The following GGNBP2 variants were observed in gnomAD, a reference collection of about 807,000 sequenced individuals.
The protein encoded by GGNBP2 is gametogenetin-binding protein 2.
In GGNBP2, 10 loss-of-function variants were observed where a neutral mutation model predicts 85.9. That is an observed-to-expected ratio of 0.12 (90% CI 0.07 to 0.20). The LOEUF (loss-of-function observed/expected upper bound fraction) is 0.20, where lower values mean the gene tolerates loss of function less well. GGNBP2 is among the 10% of genes least tolerant of loss of function. GGNBP2 has a pLI of 1.00. For missense variants in GGNBP2, 595 were observed against 857.8 expected (o/e 0.69, Z 3.83); for synonymous variants, 287 against 285.7 (o/e 1.00, Z -0.05).
At chr17:36,576,059 C>T (rs976638865) in intron 6 of GGNBP2, among the ~76,000 whole-genome samples, 6 of 146,688 alleles carry the variant, frequency 4.1e-5, no homozygotes, top group African/African-American at 7.5e-5. Flanking sequence ...AAGTCTAGGC[C>T]GGGCGTGGTG....
chr17:36,562,709 G>A (rs2074429627), intron 5 of GGNBP2, among the ~76,000 whole-genome samples: 1 of 151,062 alleles, frequency 6.6e-6, no homozygotes. Context: ...GCTCATGCCT[G>A]TAATCCCAGC....
intron 9 of GGNBP2, among the ~76,000 whole-genome samples, chr17:36,583,265 G>A (rs916421496): frequency 1.4e-4 from 22 of 151,838 alleles, no homozygotes; most frequent in Admixed American, 1.3e-3. Flanking sequence ...TGTTGGCCAG[G>A]ATGGCCTCGA....
chr17:36,582,998 TTATAC>T (rs1167990938), intron 9 of GGNBP2, among the ~76,000 whole-genome samples: 1 of 151,614 alleles, frequency 6.6e-6, no homozygotes, highest in Non-Finnish European at 1.5e-5. Flanking sequence ...AAGAATGGTA[TTATAC>T]TATATATATT....
intron 8 of GGNBP2, among the ~76,000 whole-genome samples, chr17:36,580,660 C>T (rs1178028333): frequency 6.6e-6 from 1 of 151,994 alleles, no homozygotes; most frequent in Non-Finnish European, 1.5e-5. Context: ...TGTCTCATGC[C>T]TGTAATCCCA....
At chr17:36,570,586 A>G (rs559108143) in intron 6 of GGNBP2, among the ~76,000 whole-genome samples, 48 of 152,092 alleles carry the variant, frequency 3.2e-4, no homozygotes, top group African/African-American at 1.1e-3. Flanking sequence ...TATAATCCCA[A>G]CTACTCAGGA....
chr17:36,574,525 A>G, intron 6 of GGNBP2: 1 of 378,232 alleles, frequency 2.6e-6, no homozygotes, highest in Non-Finnish European at 4.7e-6. Context: ...TCTTGACGAG[A>G]TGGTCAGTGA....
rs1195389811 is a variant in GGNBP2, at chr17:36,575,644, A to ATTTTT, written c.642-2338_642-2337insTTTTT. Among the ~76,000 whole-genome samples the ATTTTT allele has an allele frequency of 7.4e-4, 39 of 52,486 alleles. 1 individual carries two copies. Among genetic ancestry groups the ATTTTT allele is most frequent in the African/African-American group, 2.9e-3 (35 of 12,134 alleles). The allele number at this position is 52,486 out of a possible 152,430, so 34.4% of individuals were successfully genotyped here. On this transcript the variant is annotated intron_variant, in intron 6 of 13. Coordinates refer to ENST00000613102, the MANE Select transcript of GGNBP2 (RefSeq NM_024835.5). Reference sequence around the variant, plus strand: ...TATATATATATATATATATATATATATATATTTTTTTTTTTTTTTGAGATG... The same window carrying ATTTTT: ...TATATATATATATATATATATATATATTTTTTATATTTTTTTTTTTTTTTGAGATG...
At chr17:36,578,335 T>A in intron 7 of GGNBP2, 149 bp downstream of exon 7, 1 of 592,272 alleles carries the variant, frequency 1.7e-6, no homozygotes, top group Non-Finnish European at 2.9e-6. Flanking sequence ...CTCTTTAAAG[T>A]ATGCATTTCT....
chr17:36,552,557 A>T (rs879586804), intron 2 of GGNBP2, among the ~76,000 whole-genome samples: 2 of 152,228 alleles, frequency 1.3e-5, no homozygotes, highest in Admixed American at 6.5e-5. Context: ...TCTAATACAC[A>T]TGAAGTGTCT....
chr17:36,573,420 T>TC (rs1430641958), intron 6 of GGNBP2, among the ~76,000 whole-genome samples: 1 of 152,190 alleles, frequency 6.6e-6, no homozygotes, highest in Non-Finnish European at 1.5e-5. Context: ...CTTTGTCCAT[T>TC]CATACATTGA....
intron 3 of GGNBP2, 141 bp from the exon 4 acceptor site, chr17:36,556,942 C>G: frequency 3.3e-6 from 3 of 902,050 alleles, no homozygotes; most frequent in Non-Finnish European, 5.2e-6. Flanking sequence ...ACTACTTTGC[C>G]TTTCTGACTC....
intron 8 of GGNBP2, among the ~76,000 whole-genome samples, chr17:36,581,137 T>C (rs182223939): frequency 2.9e-4 from 44 of 151,772 alleles, no homozygotes; most frequent in African/African-American, 9.9e-4. Flanking sequence ...TACAAAAAAT[T>C]AGCCGGGCGT....
At chr17:36,554,135 C>A (rs1273628723) in intron 2 of GGNBP2, among the ~76,000 whole-genome samples, 2 of 151,604 alleles carry the variant, frequency 1.3e-5, no homozygotes, top group East Asian at 1.9e-4. Flanking sequence ...ATGGTGAAAA[C>A]CCATCTCTAC....
rs377721344 is a variant in GGNBP2, at chr17:36,557,255, T to C, written c.347T>C (p.Val116Ala). The C allele has an allele frequency of 5.6e-6, 9 of 1,613,910 alleles. No individual in the cohort carries two copies. Among genetic ancestry groups the C allele is most frequent in the South Asian group, 1.1e-5 (1 of 91,082 alleles). The stretch of plus-strand genomic sequence containing the variant: ...AATCCTGCTCTTGAACCCCTAACAG[T>C]AGGGCCCAAGGGAGTCCTGTCTGTA... ...SGNPALEPLTVGPKGVLSVTR... is the reference protein window; with the variant it reads ...SGNPALEPLTAGPKGVLSVTR... Residue 116 changes from valine to alanine, a missense_variant, in exon 4 of 14, where the codon GTA becomes GCA. Val to Ala is a moderately conservative substitution (Grantham distance 64). Transcript: ENST00000613102.
At chr17:36,574,078 T>C (rs2074552771) in intron 6 of GGNBP2, among the ~76,000 whole-genome samples, 1 of 152,196 alleles carries the variant, frequency 6.6e-6, no homozygotes, top group South Asian at 2.1e-4. Flanking sequence ...CTTTTTACTC[T>C]GTTGATCATC....
intron 6 of GGNBP2, among the ~76,000 whole-genome samples, chr17:36,571,235 C>A (rs1555606758): frequency 6.6e-6 from 1 of 152,060 alleles, no homozygotes; most frequent in African/African-American, 2.4e-5. Flanking sequence ...GAGTTCAATA[C>A]CAGCTTGGGC....
intron 9 of GGNBP2, 41 bp downstream of exon 9, chr17:36,581,579 G>C (rs779875492): frequency 1.4e-6 from 2 of 1,450,650 alleles, no homozygotes; most frequent in Non-Finnish European, 1.9e-6. Context: ...TGTATGTATT[G>C]CTTGTAGATA....
chr17:36,572,595 G>A (rs917022067), intron 6 of GGNBP2, among the ~76,000 whole-genome samples: 6 of 152,044 alleles, frequency 3.9e-5, no homozygotes, highest in African/African-American at 7.3e-5. Context: ...TGGATGAGGC[G>A]GGGAGGGTCA....
intron 2 of GGNBP2, among the ~76,000 whole-genome samples, chr17:36,552,162 G>C (rs991707479): frequency 1.3e-5 from 2 of 152,192 alleles, no homozygotes; most frequent in Non-Finnish European, 2.9e-5. Context: ...TAGGTTTGGA[G>C]TGACCTCCAA....
Sources: gnomAD v4.1 joint callset for allele counts (sites outside exome capture counted in the v4.1 genomes callset) on GRCh38, gnomAD v4.1.1 for gene constraint, MANE v1.5 for transcripts, NCBI Gene and HGNC (gene_info 2026-07-23, HGNC 2026-07-21) for gene names.